ARFGEF1: variants seen among roughly 807,000 people sequenced by gnomAD.
The protein encoded by ARFGEF1 is brefeldin A-inhibited guanine nucleotide-exchange protein 1.
In ARFGEF1, 42 loss-of-function variants were observed where a neutral mutation model predicts 231.0. The observed-to-expected ratio is 0.18, with a 90% CI of 0.14 to 0.24. The LOEUF (loss-of-function observed/expected upper bound fraction) is 0.24, where lower values mean the gene tolerates loss of function less well. Among genes scored for constraint, ARFGEF1 ranks in the 10% least tolerant of loss-of-function variants. The pLI, the probability that ARFGEF1 is intolerant of heterozygous loss-of-function variation, is 1.00. For synonymous variants in ARFGEF1, 710 were observed against 732.3 expected (o/e 0.97, Z 0.49); for missense variants, 1,345 against 2,192.0 (o/e 0.61, Z 7.72).
downstream of ARFGEF1, among the ~76,000 whole-genome samples, chr8:67,194,061 AGTC>A (rs3217663): frequency 0.13 from 19,387 of 152,092 alleles, 2,454 homozygotes; most frequent in African/African-American, 0.33. Context: ...AAATAAAGCT[AGTC>A]GTCTCCTCAT....
intron 5 of ARFGEF1, among the ~76,000 whole-genome samples, chr8:67,293,636 G>A (rs1806105750): frequency 6.6e-6 from 1 of 152,120 alleles, no homozygotes; most frequent in Non-Finnish European, 1.5e-5. Flanking sequence ...ACTGCTCAAT[G>A]ATAAGAGCAA....
chr8:67,238,708 G>T, intron 21 of ARFGEF1, 27 bp downstream of exon 21: 1 of 1,605,400 alleles, frequency 6.2e-7, no homozygotes, highest in Non-Finnish European at 8.5e-7. Context: ...AAACCAAATT[G>T]CAAAGTTGAA....
At position 67,198,954 on chromosome 8, in the gene ARFGEF1, G is replaced by A. The variant is rs991959376; in HGVS notation, c.5530C>T (p.Leu1844Phe). 8.7e-6 allele frequency: 14 copies of A among 1,613,258 alleles called. No individual in the cohort carries two copies. Among genetic ancestry groups the A allele is most frequent in the African/African-American group, 1.3e-5 (1 of 74,856 alleles). The change falls in exon 39 of 39, where the codon CTT becomes TTT. Residue 1844 changes from leucine (L) to phenylalanine (F), a missense_variant. Leu to Phe is a conservative substitution (Grantham distance 22). This residue lies in a region of ARFGEF1 where 161 missense variants were observed against 284.9 expected (regional missense o/e 0.57). Transcript: ENST00000262215. Reference protein sequence around the residue: ...FQISQPPEQELGINKQ With the variant: ...FQISQPPEQEFGINKQ ...TCCCATCATTGCTTGTTTATTCCAA[G>A]TTCCTGTTCAGGTGGTTGTGATATC...
chr8:67,195,433 A>G (rs1346215906), downstream of ARFGEF1: 3 of 1,614,052 alleles, frequency 1.9e-6, no homozygotes, highest in African/African-American at 4.0e-5. Context: ...CACATAGGGG[A>G]TGACGGATCA....
At chr8:67,236,849 C>T (rs1839786772) in intron 22 of ARFGEF1, among the ~76,000 whole-genome samples, 1 of 152,184 alleles carries the variant, frequency 6.6e-6, no homozygotes, top group Non-Finnish European at 1.5e-5. Flanking sequence ...AGGGAGAAGA[C>T]AGTTCATCTC....
chr8:67,184,850 A>C (rs964134711), intron 5 of ARFGEF1, among the ~76,000 whole-genome samples: 1 of 149,870 alleles, frequency 6.7e-6, no homozygotes, highest in African/African-American at 2.4e-5. Context: ...CTGTAATCCC[A>C]GCACTTTGGG....
intron 7 of ARFGEF1, among the ~76,000 whole-genome samples, chr8:67,278,240 T>C (rs1421023676): frequency 6.6e-6 from 1 of 152,194 alleles, no homozygotes; most frequent in Non-Finnish European, 1.5e-5. Flanking sequence ...ACATAGATTC[T>C]GAAATATTAA....
Position 67,258,592 on chromosome 8 carries a change from G to A in ARFGEF1, c.2236-302C>T, listed in dbSNP as rs113465409. Among the ~76,000 whole-genome samples the A allele has an allele frequency of 2.0e-3, 303 of 152,164 alleles. 4 individuals carry two copies. The highest frequency in any genetic ancestry group is 6.9e-3 in the African/African-American group (288 of 41,524). On this transcript the variant is annotated intron_variant, in intron 15 of 38. Transcript: ENST00000262215. ...CCGCCTCAGCCTCCCAAAGTGCTGG[G>A]ATTACAGGCATGAGCCACTGTGCCC... is the stretch of plus-strand genomic sequence containing the variant.
chr8:67,264,635 A>G (rs1234471899), intron 14 of ARFGEF1, among the ~76,000 whole-genome samples: 3 of 152,146 alleles, frequency 2.0e-5, no homozygotes, highest in Non-Finnish European at 1.5e-5. Flanking sequence ...GAGAAACAGG[A>G]TAGACTGGTG....
At chr8:67,279,679 G>A (rs770437053) in intron 7 of ARFGEF1, among the ~76,000 whole-genome samples, 2 of 151,998 alleles carry the variant, frequency 1.3e-5, no homozygotes, top group Admixed American at 6.6e-5. Context: ...CCACACCCCC[G>A]TGGCTTGAAA....
chr8:67,301,140 A>G, intron 3 of ARFGEF1, 84 bp downstream of exon 3: 2 of 1,293,950 alleles, frequency 1.5e-6, no homozygotes, highest in Non-Finnish European at 2.1e-6. Flanking sequence ...GCTTTCATGG[A>G]AATGTCTGAA....
intron 1 of ARFGEF1, among the ~76,000 whole-genome samples, chr8:67,302,830 T>C (rs1351465788): frequency 6.6e-6 from 1 of 150,886 alleles, no homozygotes; most frequent in Non-Finnish European, 1.5e-5. Flanking sequence ...ATCCTAGTGC[T>C]TTGGGAGGCC....
intron 1 of ARFGEF1, among the ~76,000 whole-genome samples, chr8:67,308,193 A>C (rs1360600550): frequency 1.3e-5 from 2 of 152,194 alleles, no homozygotes; most frequent in Non-Finnish European, 2.9e-5. Flanking sequence ...GACACTGTGG[A>C]GCAGCAGCAT....
intron 34 of ARFGEF1, among the ~76,000 whole-genome samples, chr8:67,206,411 A>G (rs1333043204): frequency 8.6e-6 from 1 of 116,848 alleles, no homozygotes; most frequent in Non-Finnish European, 1.6e-5. Flanking sequence ...TTTTATCTTT[A>G]AAAAAAAAAA....
intron 17 of ARFGEF1, among the ~76,000 whole-genome samples, chr8:67,255,049 G>A (rs1337938055): frequency 1.3e-5 from 2 of 152,180 alleles, no homozygotes; most frequent in East Asian, 3.8e-4. Flanking sequence ...TTTTAAGCAT[G>A]GCAAAATGTT....
chr8:67,304,933 A>T (rs1806668789), intron 1 of ARFGEF1, among the ~76,000 whole-genome samples: 1 of 152,246 alleles, frequency 6.6e-6, no homozygotes, highest in Non-Finnish European at 1.5e-5. Flanking sequence ...ATCATTATTT[A>T]AGAGGCTGAG....
chr8:67,189,865 G>A (rs551569748), intron 5 of ARFGEF1, among the ~76,000 whole-genome samples: 13 of 152,216 alleles, frequency 8.5e-5, no homozygotes, highest in South Asian at 4.2e-4. Flanking sequence ...AAGGAGTTGC[G>A]GAGGTTACCG....
At chr8:67,179,965 T>A (rs1195245420) in intron 5 of ARFGEF1, 1 of 1,160,720 alleles carries the variant, frequency 8.6e-7, no homozygotes. Context: ...ATTGTTTAAA[T>A]ATTAAACCTT....
chr8:67,333,659 G>T (rs1808208812), intron 1 of ARFGEF1, among the ~76,000 whole-genome samples: 2 of 152,064 alleles, frequency 1.3e-5, no homozygotes, highest in Non-Finnish European at 2.9e-5. Flanking sequence ...ATGCTCCCAT[G>T]TATGTGTGTG....
Sources: allele counts gnomAD v4.1 joint callset (sites outside exome capture counted in the v4.1 genomes callset), GRCh38; gene constraint gnomAD v4.1.1; regional missense constraint gnomAD v4.1.1; transcripts MANE v1.5; gene names NCBI Gene and HGNC (gene_info 2026-07-23, HGNC 2026-07-21).